PLCE1: variants seen among roughly 807,000 people sequenced by gnomAD.
PLCE1 encodes the protein phospholipase C epsilon 1, also known as 1-phosphatidylinositol 4,5-bisphosphate phosphodiesterase epsilon-1.
PLCE1 carries 119 observed loss-of-function variants against 242.8 expected under a neutral mutation model. The observed-to-expected ratio is 0.49, with a 90% CI of 0.42 to 0.57. The LOEUF (loss-of-function observed/expected upper bound fraction) is 0.57. PLCE1 is among the 20% of genes least tolerant of loss of function. The probability of loss-of-function intolerance (pLI) is 0.00; values close to 1 mark genes in which losing one functional copy is unlikely to be tolerated. For missense variants in PLCE1, 2,441 were observed against 2,788.8 expected (o/e 0.88, Z 2.81); for synonymous variants, 945 against 1,017.4 (o/e 0.93, Z 1.35).
rs2061545442 is a variant in PLCE1, at chr10:94,030,948, C to T, written c.-99C>T. Reference sequence around the variant, plus strand: ...TTGTTCTTTGGGAGGACTTGTGTATCTGAGATTGTTGTAATAATCAGTCAT... The same window carrying T: ...TTGTTCTTTGGGAGGACTTGTGTATTTGAGATTGTTGTAATAATCAGTCAT... On this transcript the variant is annotated 5_prime_UTR_variant, in exon 2 of 33. Coordinates refer to ENST00000371380, the MANE Select transcript of PLCE1 (RefSeq NM_016341.4). 3 of 1,185,974 alleles carry T rather than the reference C, an allele frequency of 2.5e-6. No individual in the cohort carries two copies. Among genetic ancestry groups the T allele is most frequent in the Admixed American group, 3.4e-5 (2 of 59,172 alleles). The allele number at this position is 1,185,974 out of a possible 1,614,324, so 73.5% of individuals were successfully genotyped here. A position where few individuals can be genotyped will look rare whatever the true frequency, so the allele number is the denominator to read the frequency against.
chr10:93,996,121 G>A (rs2060815354), intron 1 of PLCE1, among the ~76,000 whole-genome samples: 1 of 152,324 alleles, frequency 6.6e-6, no homozygotes, highest in Non-Finnish European at 1.5e-5. Context: ...GCACGTGTGT[G>A]TGTGTGTGTG....
At chr10:94,044,024 T>A (rs1415317029) in intron 2 of PLCE1, among the ~76,000 whole-genome samples, 1 of 152,182 alleles carries the variant, frequency 6.6e-6, no homozygotes, top group African/African-American at 2.4e-5. Flanking sequence ...CAAATCTAAT[T>A]GGTTGCTAGA....
chr10:94,171,334 G>A lies in PLCE1; in HGVS notation c.1647G>A (p.Arg549=), dbSNP rs748741428. 1 of 1,614,166 alleles carries A rather than the reference G, an allele frequency of 6.2e-7. No homozygotes were observed. The highest frequency in any genetic ancestry group is 1.1e-5 in the South Asian group (1 of 91,070). The change falls in exon 4 of 33, where the codon AGG becomes AGA. Residue 549 remains arginine, a synonymous_variant. Transcript: ENST00000371380. ...LMEQEQTIYR[R]VLPVDYLCFL... ...AGCAAGAGCAGACTATTTACCGCAG[G>A]GTCTTGCCAGTCGACTACCTTTGCT...
chr10:94,123,611 A>G (rs139515809), intron 2 of PLCE1, among the ~76,000 whole-genome samples: 1 of 152,270 alleles, frequency 6.6e-6, no homozygotes, highest in Non-Finnish European at 1.5e-5. Flanking sequence ...CAACAGCCTC[A>G]CTGTTTTTGT....
At chr10:94,278,177 A>G (rs1476873074) in intron 19 of PLCE1, among the ~76,000 whole-genome samples, 2 of 152,234 alleles carry the variant, frequency 1.3e-5, no homozygotes, top group Admixed American at 6.5e-5. Context: ...GGAATAGAGA[A>G]TTATTTTAAA....
At chr10:94,152,565 TCATTAGTTAA>T (rs997980466) in intron 3 of PLCE1, among the ~76,000 whole-genome samples, 4 of 152,340 alleles carry the variant, frequency 2.6e-5, no homozygotes, top group Admixed American at 1.3e-4. Flanking sequence ...AATTCTGTCC[TCATTAGTTAA>T]CTACCTGTGA....
At chr10:94,175,372 CTCATTCAT>C (rs3053179) in intron 4 of PLCE1, among the ~76,000 whole-genome samples, 1 of 150,988 alleles carries the variant, frequency 6.6e-6, no homozygotes, top group Non-Finnish European at 1.5e-5. Flanking sequence ...CCATTACTCC[CTCATTCAT>C]TCATTCATTC....
chr10:94,255,914 A>ACACACACTCTCTCTCTCT (rs1284531207), intron 11 of PLCE1, among the ~76,000 whole-genome samples: 3 of 67,286 alleles, frequency 4.5e-5, no homozygotes, highest in Non-Finnish European at 8.3e-5. Context: ...ACACACACAC[A>ACACACACTCTCTCTCTCT]CTCTCTCTCT....
At chr10:94,150,190 G>A (rs891495661) in intron 3 of PLCE1, among the ~76,000 whole-genome samples, 1 of 152,222 alleles carries the variant, frequency 6.6e-6, no homozygotes, top group Non-Finnish European at 1.5e-5. Context: ...CCGCTGTGCT[G>A]AGTGTTGTAT....
intron 3 of PLCE1, among the ~76,000 whole-genome samples, chr10:94,161,638 A>C (rs1395109281): frequency 6.6e-6 from 1 of 152,094 alleles, no homozygotes; most frequent in East Asian, 1.9e-4. Flanking sequence ...CTAACTGAAT[A>C]CCCTTTATTT....
At chr10:94,216,215 G>A (rs1475187491) in intron 4 of PLCE1, among the ~76,000 whole-genome samples, 3 of 152,134 alleles carry the variant, frequency 2.0e-5, no homozygotes, top group South Asian at 2.1e-4. Flanking sequence ...CACTGATGTC[G>A]GAAAAGGGCA....
chr10:94,311,304 G>A lies in PLCE1; in HGVS notation c.6004-1950G>A, dbSNP rs539031285. Reference sequence around the variant, plus strand: ...TTGAGGTCTGGCAGCAGGGCTGAAGGTTTCACCCTTCTAATCATGCCTTGG... The same window carrying A: ...TTGAGGTCTGGCAGCAGGGCTGAAGATTTCACCCTTCTAATCATGCCTTGG... On this transcript the variant is annotated intron_variant, in intron 27 of 32. Coordinates refer to ENST00000371380, the MANE Select transcript of PLCE1 (RefSeq NM_016341.4). 3.3e-5 allele frequency among the ~76,000 whole-genome samples: 5 copies of A among 152,274 alleles called. No individual in the cohort carries two copies. The South Asian group carries it at 1.0e-3, about 32-fold the overall frequency.
Position 94,236,064 on chromosome 10 carries a change from C to A in PLCE1, c.2364C>A (p.Ser788Arg), listed in dbSNP as rs572497944. 6.2e-7 allele frequency: 1 copy of A among 1,613,980 alleles called. No homozygotes were observed. Among genetic ancestry groups the A allele is most frequent in the Non-Finnish European group, 8.5e-7 (1 of 1,179,960 alleles). The stretch of plus-strand genomic sequence containing the variant: ...GTCTGGAGACAGACGAGGAGGACAG[C>A]CCCAGTGAAGGAAACAGCTCCAGGA... ...NRSLETDEED[S>R]PSEGNSSRKS... Residue 788 changes from serine to arginine, a missense_variant, in exon 7 of 33, where the codon AGC becomes AGA. Ser to Arg is a moderately radical substitution (Grantham distance 110, BLOSUM62 -1). Transcript: ENST00000371380.
At chr10:94,266,064 A>G in intron 16 of PLCE1, 106 bp downstream of exon 16, 6 of 1,003,440 alleles carry the variant, frequency 6.0e-6, no homozygotes, top group Non-Finnish European at 9.4e-6. Flanking sequence ...GAGCTTATAG[A>G]GTAAGCTATT....
At chr10:94,321,456 AC>A (rs1371060059) in intron 29 of PLCE1, among the ~76,000 whole-genome samples, 2 of 152,182 alleles carry the variant, frequency 1.3e-5, no homozygotes, top group Admixed American at 1.3e-4. Context: ...GCATGGCGAA[AC>A]CCTGTCTCTA....
At chr10:94,308,824 A>G (rs1022602587) in intron 27 of PLCE1, 125 bp downstream of exon 27, 2 of 770,716 alleles carry the variant, frequency 2.6e-6, no homozygotes, top group South Asian at 1.4e-5. Flanking sequence ...ATTAATAACA[A>G]TAATGGCTGA....
intron 2 of PLCE1, 96 bp downstream of exon 2, chr10:94,032,348 T>A: frequency 9.0e-7 from 1 of 1,110,568 alleles, no homozygotes; most frequent in Non-Finnish European, 1.3e-6. Flanking sequence ...TGAGAAATTT[T>A]AAGATCTGTC....
chr10:94,227,163 C>G, intron 4 of PLCE1, 143 bp from the exon 5 acceptor site: 1 of 750,174 alleles, frequency 1.3e-6, no homozygotes, highest in South Asian at 1.5e-5. Context: ...AGGCGTGAAC[C>G]ACCACGCCCA....
At chr10:94,151,023 A>C (rs575059996) in intron 3 of PLCE1, among the ~76,000 whole-genome samples, 2 of 152,220 alleles carry the variant, frequency 1.3e-5, no homozygotes, top group African/African-American at 4.8e-5. Flanking sequence ...CTCTCCAGAG[A>C]GAGGCCAGCA....
Sources: allele counts gnomAD v4.1 joint callset (sites outside exome capture counted in the v4.1 genomes callset), GRCh38; gene constraint gnomAD v4.1.1; transcripts MANE v1.5; gene names NCBI Gene and HGNC (gene_info 2026-07-23, HGNC 2026-07-21).